Variants in CDH4 observed in about 807,000 individuals in gnomAD.
The protein encoded by CDH4 is cadherin-4.
Under a neutral mutation model 86.0 loss-of-function variants are expected in CDH4, and 33 were observed. That is an observed-to-expected ratio of 0.38 (90% CI 0.29 to 0.51). The LOEUF is 0.51. CDH4 is among the 20% of genes least tolerant of loss of function. The probability of loss-of-function intolerance (pLI) is 0.86; values close to 1 mark genes in which losing one functional copy is unlikely to be tolerated. For synonymous variants in CDH4, 555 were observed against 549.4 expected (o/e 1.01, Z -0.14); for missense variants, 1,114 against 1,307.4 (o/e 0.85, Z 2.28).
intron 2 of CDH4, among the ~76,000 whole-genome samples, chr20:61,579,713 G>A (rs959208086): frequency 6.6e-6 from 1 of 152,102 alleles, no homozygotes; most frequent in Non-Finnish European, 1.5e-5. Context: ...GCACGGAGTA[G>A]GCACCCGATG....
chr20:61,746,115 C>A (rs975365845), intron 3 of CDH4, among the ~76,000 whole-genome samples: 3 of 152,252 alleles, frequency 2.0e-5, no homozygotes, highest in Non-Finnish European at 4.4e-5. Context: ...CCTCTAACAG[C>A]AGTGGCCCCC....
At position 61,360,897 on chromosome 20, in the gene CDH4, T is replaced by C. The variant is rs1176474689; in HGVS notation, c.169+105960T>C. ...TCCATCAAACAAAAAGAAGACGGAC[T>C]GGTTATTCCCATTTCCACGGAGAGG... On this transcript the variant is annotated intron_variant, in intron 2 of 15. Coordinates refer to ENST00000614565, the MANE Select transcript of CDH4 (RefSeq NM_001794.5). Among the ~76,000 whole-genome samples, 10 of 152,286 alleles carry C rather than the reference T, an allele frequency of 6.6e-5. No homozygotes were observed. In the East Asian group the frequency reaches 1.9e-3, roughly 29 times the overall value.
At chr20:61,555,215 C>CCAGG (rs1379105250) in intron 2 of CDH4, among the ~76,000 whole-genome samples, 2 of 152,290 alleles carry the variant, frequency 1.3e-5, no homozygotes, top group East Asian at 3.9e-4. Flanking sequence ...TTTCTGAGAA[C>CCAGG]CAGGCAGCCT....
chr20:61,285,013 G>A (rs2084285239), intron 2 of CDH4, among the ~76,000 whole-genome samples: 1 of 152,168 alleles, frequency 6.6e-6, no homozygotes, highest in Non-Finnish European at 1.5e-5. Flanking sequence ...ACAGCCCCTT[G>A]CTGCTGCTTC....
In CDH4 at chr20:61,681,259, A is replaced by G. The variant is rs950200692; in HGVS notation, c.170-62304A>G. On this transcript the variant is annotated intron_variant, in intron 2 of 15. Transcript: ENST00000614565. This position sits in a 1 kb window ranked among gnomAD's most constrained non-coding sequence, Gnocchi z 4.5. The stretch of plus-strand genomic sequence containing the variant: ...TGTGAATTACCTACAAATTGTATAC[A>G]GTGCTTTAGGACTAAGTAGCTTTTT... Among the ~76,000 whole-genome samples, 1 of 152,212 alleles carries G rather than the reference A, an allele frequency of 6.6e-6. No homozygotes were observed. The highest frequency in any genetic ancestry group is 2.4e-5 in the African/African-American group (1 of 41,450).
chr20:61,549,454 CT>C (rs35587576), intron 2 of CDH4, among the ~76,000 whole-genome samples: 14,166 of 152,208 alleles, frequency 0.093, 711 homozygotes, highest in South Asian at 0.16. Flanking sequence ...CTGGGAGCGT[CT>C]TTTTAAAAAT....
At chr20:61,630,039 C>A (rs778465889) in intron 2 of CDH4, among the ~76,000 whole-genome samples, 4 of 152,148 alleles carry the variant, frequency 2.6e-5, no homozygotes, top group Non-Finnish European at 5.9e-5. Context: ...CACATTGCTC[C>A]CTGACACCCA....
chr20:61,706,317 G>T (rs143490936), intron 2 of CDH4, among the ~76,000 whole-genome samples: 3 of 152,094 alleles, frequency 2.0e-5, no homozygotes, highest in Admixed American at 6.5e-5. Flanking sequence ...AGAGGGCCGG[G>T]GGGGATGAGA....
At chr20:61,868,437 C>T (rs1983645518) in intron 6 of CDH4, among the ~76,000 whole-genome samples, 1 of 152,132 alleles carries the variant, frequency 6.6e-6, no homozygotes, top group Admixed American at 6.5e-5. Context: ...GGGTGAGAGG[C>T]ACAGACAGCT....
chr20:61,309,519 T>A (rs1474450026), intron 2 of CDH4, among the ~76,000 whole-genome samples: 1 of 152,164 alleles, frequency 6.6e-6, no homozygotes, highest in African/African-American at 2.4e-5. Context: ...GGCATTTTAC[T>A]TAGCAGTGGA....
intron 2 of CDH4, among the ~76,000 whole-genome samples, chr20:61,424,816 C>T (rs561383632): frequency 2.0e-5 from 3 of 152,254 alleles, no homozygotes; most frequent in Non-Finnish European, 4.4e-5. Context: ...CGCCTGTTTC[C>T]CATCCAGTGC....
chr20:61,925,364 C>A (rs755179001), intron 11 of CDH4, among the ~76,000 whole-genome samples: 2 of 152,308 alleles, frequency 1.3e-5, no homozygotes, highest in East Asian at 1.9e-4. Context: ...CCAGTACCAC[C>A]GCTTACCAGT....
At chr20:61,752,254 C>G (rs1485753427) in intron 3 of CDH4, among the ~76,000 whole-genome samples, 1 of 150,530 alleles carries the variant, frequency 6.6e-6, no homozygotes, top group Admixed American at 6.6e-5. Context: ...ATCACTTGAG[C>G]CCGAGAGGTA....
At position 61,806,570 on chromosome 20, in the gene CDH4, C is replaced by T. The variant is rs568516996; in HGVS notation, c.576+33388C>T. On this transcript the variant is annotated intron_variant, in intron 4 of 15. Coordinates refer to ENST00000614565, the MANE Select transcript of CDH4 (RefSeq NM_001794.5). ...ACGCGCACGCACACACATGTCCACG[C>T]GCACGCACACACACATGCAGTACCA... Among the ~76,000 whole-genome samples, 638 of 112,080 alleles carry T rather than the reference C, an allele frequency of 5.7e-3. 3 individuals are homozygous for T. Among genetic ancestry groups the T allele is most frequent in the African/African-American group, 0.017 (549 of 31,698 alleles). The allele number at this position is 112,080 out of a possible 152,430, so 73.5% of individuals were successfully genotyped here. A position where few individuals can be genotyped will look rare whatever the true frequency, so the allele number is the denominator to read the frequency against.
intron 2 of CDH4, chr20:61,436,673 A>T (rs2085284449): frequency 6.6e-6 from 1 of 152,098 alleles, no homozygotes; most frequent in African/African-American, 2.4e-5. Context: ...TGTTATGTAG[A>T]TATGATTAAT....
At chr20:61,885,050 C>T (rs1045658417) in intron 7 of CDH4, among the ~76,000 whole-genome samples, 2 of 152,118 alleles carry the variant, frequency 1.3e-5, no homozygotes, top group African/African-American at 4.8e-5. Flanking sequence ...CCCACCCCAC[C>T]AGCTCGGTGA....
At chr20:61,650,707 A>C (rs1044224742) in intron 2 of CDH4, among the ~76,000 whole-genome samples, 4 of 152,226 alleles carry the variant, frequency 2.6e-5, no homozygotes, top group Admixed American at 2.6e-4. Flanking sequence ...TTGTATTTTA[A>C]AAGGTTTATT....
intron 2 of CDH4, among the ~76,000 whole-genome samples, chr20:61,299,298 A>G (rs1241192710): frequency 6.6e-6 from 1 of 152,124 alleles, no homozygotes; most frequent in Admixed American, 6.5e-5. Context: ...ACAGCCCCAG[A>G]TGGTGAGGGC....
At chr20:61,311,211 A>C (rs983158733) in intron 2 of CDH4, among the ~76,000 whole-genome samples, 1 of 152,146 alleles carries the variant, frequency 6.6e-6, no homozygotes, top group African/African-American at 2.4e-5. Context: ...ACCCACACAC[A>C]CCCACACCAG....
Sources: allele counts gnomAD v4.1 joint callset (sites outside exome capture counted in the v4.1 genomes callset), GRCh38; gene constraint gnomAD v4.1.1; non-coding constraint Gnocchi (gnomAD v3.1); transcripts MANE v1.5; gene names NCBI Gene and HGNC (gene_info 2026-07-23, HGNC 2026-07-21).